Variants in FGF12 observed in about 807,000 individuals in gnomAD.
The protein encoded by FGF12 is fibroblast growth factor 12B.
Under a neutral mutation model 23.6 loss-of-function variants are expected in FGF12, and 14 were observed. That is an observed-to-expected ratio of 0.59 (90% confidence interval 0.39 to 0.93). The LOEUF (loss-of-function observed/expected upper bound fraction) is 0.93, where lower values mean the gene tolerates loss of function less well. FGF12 is among the 40% of genes least tolerant of loss of function. FGF12 has a pLI of 0.00. For missense variants in FGF12, 175 were observed against 217.8 expected (o/e 0.80, Z 1.24); for synonymous variants, 62 against 77.3 (o/e 0.80, Z 1.04).
Position 192,335,349 on chromosome 3 carries a change from C to G in FGF12, c.228+12G>C. Reference sequence around the variant, plus strand: ...CACACATACACACAAATACACACTACAATGTACTTACTGAACTGTAGAGAT... The same window carrying G: ...CACACATACACACAAATACACACTAGAATGTACTTACTGAACTGTAGAGAT... On this transcript the variant is annotated intron_variant, in intron 4 of 5. Coordinates refer to ENST00000445105, the MANE Select transcript of FGF12 (RefSeq NM_004113.6). 6.4e-7 allele frequency: 1 copy of G among 1,565,788 alleles called. No homozygotes were observed. The highest frequency in any genetic ancestry group is 8.8e-7 in the Non-Finnish European group (1 of 1,136,410).
At chr3:192,356,261 T>A (rs1718467329) in intron 3 of FGF12, among the ~76,000 whole-genome samples, 1 of 152,178 alleles carries the variant, frequency 6.6e-6, no homozygotes. Flanking sequence ...TCTGCTTCAG[T>A]ATCTCCAGTC....
At chr3:192,602,950 A>G (rs1201586399) in intron 2 of FGF12, among the ~76,000 whole-genome samples, 2 of 152,174 alleles carry the variant, frequency 1.3e-5, no homozygotes, top group East Asian at 3.8e-4. Flanking sequence ...GACCATCTCA[A>G]TAAACACAGG....
intron 4 of FGF12, among the ~76,000 whole-genome samples, chr3:192,231,035 A>G (rs1033307449): frequency 1.3e-5 from 2 of 152,198 alleles, no homozygotes; most frequent in Non-Finnish European, 2.9e-5. Context: ...GTCTCTAGAC[A>G]TTGCTAAATT....
intron 4 of FGF12, among the ~76,000 whole-genome samples, chr3:192,303,186 A>G (rs1715438159): frequency 6.6e-6 from 1 of 152,212 alleles, no homozygotes; most frequent in African/African-American, 2.4e-5. Context: ...TGTAAGGTGC[A>G]TGAATATGGT....
In FGF12 at chr3:192,408,468, G is replaced by A; in HGVS notation, c.14-47930C>T. 3 of 1,358,714 alleles carry A rather than the reference G, an allele frequency of 2.2e-6. No individual in the cohort carries two copies. The highest frequency in any genetic ancestry group is 9.4e-7 in the Non-Finnish European group (1 of 1,059,908). 84.2% of individuals were successfully genotyped at this position (1,358,714 alleles called of 1,614,324 possible). A position where few individuals can be genotyped will look rare whatever the true frequency, so the allele number is the denominator to read the frequency against. Reference sequence around the variant, plus strand: ...CCCAACCTCTGGCGGCCGGGGGGCGGGGCGGGGCGGTCCCAGGCCCTCTTG... The same window carrying A: ...CCCAACCTCTGGCGGCCGGGGGGCGAGGCGGGGCGGTCCCAGGCCCTCTTG... On this transcript the variant is annotated intron_variant, in intron 2 of 5. Transcript: ENST00000445105. The surrounding 1 kb of genome is among the most constrained non-coding windows in gnomAD (Gnocchi z 7.3).
chr3:192,465,609 G>T (rs1287737374), intron 2 of FGF12, among the ~76,000 whole-genome samples: 2 of 152,168 alleles, frequency 1.3e-5, no homozygotes, highest in Non-Finnish European at 2.9e-5. Context: ...GCTGTGCACA[G>T]ACTGTCTATA....
intron 2 of FGF12, among the ~76,000 whole-genome samples, chr3:192,431,659 A>G (rs768530020): frequency 2.6e-5 from 4 of 152,214 alleles, no homozygotes; most frequent in Non-Finnish European, 5.9e-5. Flanking sequence ...CAACTCAAGT[A>G]CCAAGCGTTT....
chr3:192,567,699 C>T (rs146960689), intron 2 of FGF12, among the ~76,000 whole-genome samples: 1 of 152,240 alleles, frequency 6.6e-6, no homozygotes, highest in East Asian at 1.9e-4. Flanking sequence ...TAACTCCAAT[C>T]TCTGCCTCCA....
At chr3:192,199,804 C>T (rs1717264985) in intron 4 of FGF12, among the ~76,000 whole-genome samples, 1 of 152,172 alleles carries the variant, frequency 6.6e-6, no homozygotes, top group Non-Finnish European at 1.5e-5. Flanking sequence ...GTGATTGTAT[C>T]ATACGCCACT....
rs1170436263 is a variant in FGF12, at chr3:192,416,175, G to A, written c.14-55637C>T. 2.0e-5 allele frequency among the ~76,000 whole-genome samples: 3 copies of A among 152,094 alleles called. No individual in the cohort carries two copies. The East Asian group carries it at 5.8e-4, about 29-fold the overall frequency. On this transcript the variant is annotated intron_variant, in intron 2 of 5. Coordinates refer to ENST00000445105, the MANE Select transcript of FGF12 (RefSeq NM_004113.6). ...AGATCTCACTGATCCTGCATTCACAGGTATCTGATGTTGAGTAAGATTTTA... is the reference window on the plus strand; with the variant it reads ...AGATCTCACTGATCCTGCATTCACAAGTATCTGATGTTGAGTAAGATTTTA...
intron 2 of FGF12, among the ~76,000 whole-genome samples, chr3:192,436,521 G>A (rs547815517): frequency 4.7e-4 from 71 of 152,304 alleles, no homozygotes; most frequent in Middle Eastern, 6.8e-3. Context: ...GAAAACCTCC[G>A]TTGTAAACGA....
At chr3:192,686,098 G>A (rs957269006) in intron 2 of FGF12, among the ~76,000 whole-genome samples, 1 of 152,178 alleles carries the variant, frequency 6.6e-6, no homozygotes, top group Non-Finnish European at 1.5e-5. Flanking sequence ...TGCTGATTTC[G>A]TATTCATATA....
At chr3:192,338,728 C>G (rs1357092710) in intron 3 of FGF12, among the ~76,000 whole-genome samples, 1 of 152,162 alleles carries the variant, frequency 6.6e-6, no homozygotes, top group African/African-American at 2.4e-5. Flanking sequence ...CTGGCTTTTA[C>G]GTGAGAAAAT....
At chr3:192,165,988 C>T (rs1323975480) in intron 5 of FGF12, among the ~76,000 whole-genome samples, 2 of 152,088 alleles carry the variant, frequency 1.3e-5, no homozygotes, top group Non-Finnish European at 2.9e-5. Flanking sequence ...ACATACGCAA[C>T]CTGGCTAGCA....
At chr3:192,233,845 A>C (rs554402515) in intron 4 of FGF12, among the ~76,000 whole-genome samples, 1 of 152,232 alleles carries the variant, frequency 6.6e-6, no homozygotes, top group African/African-American at 2.4e-5. Flanking sequence ...GTCAAAGATC[A>C]CATGGTTGTA....
chr3:192,142,027 G>A lies in FGF12; in HGVS notation c.*1982C>T, dbSNP rs1577166205. On this transcript the variant is annotated 3_prime_UTR_variant, in exon 6 of 6. Coordinates refer to ENST00000445105, the MANE Select transcript of FGF12 (RefSeq NM_004113.6). Reference sequence around the variant, plus strand: ...CAGCTAGAGTTATATTTTTGCCCCAGGGGTATTCTTTTCCTAGAAGAGCAA... The same window carrying A: ...CAGCTAGAGTTATATTTTTGCCCCAAGGGTATTCTTTTCCTAGAAGAGCAA... 1 of 152,106 alleles carries A rather than the reference G, an allele frequency of 6.6e-6. No individual in the cohort carries two copies. The highest frequency in any genetic ancestry group is 2.4e-5 in the African/African-American group (1 of 41,336). 9.4% of individuals were successfully genotyped at this position (152,106 alleles called of 1,614,324 possible).
Position 192,409,042 on chromosome 3 carries a change from G to C in FGF12, c.14-48504C>G, listed in dbSNP as rs2108776949. On this transcript the variant is annotated intron_variant, in intron 2 of 5. Coordinates refer to ENST00000445105, the MANE Select transcript of FGF12 (RefSeq NM_004113.6). This position sits in a 1 kb window ranked among gnomAD's most constrained non-coding sequence, Gnocchi z 4.8. The stretch of plus-strand genomic sequence containing the variant: ...CTGCGGTGAGAGCAACTCCCGGCCA[G>C]CAGCACTGCAAAGAGAGCGGGAGGC... 1 of 981,914 alleles carries C rather than the reference G, an allele frequency of 1.0e-6. No individual in the cohort carries two copies. Among genetic ancestry groups the C allele is most frequent in the South Asian group, 4.7e-5 (1 of 21,110 alleles). The allele number at this position is 981,914 out of a possible 1,614,324, so 60.8% of individuals were successfully genotyped here. A position where few individuals can be genotyped will look rare whatever the true frequency, so the allele number is the denominator to read the frequency against.
rs77940993 is a variant in FGF12, at chr3:192,418,565, G to T, written c.14-58027C>A. ...GGACATTGATCTGGTTTGAATCTGT[G>T]TCCGTGCCCAAATCTCATGTTGAAT... is the stretch of plus-strand genomic sequence containing the variant. On this transcript the variant is annotated intron_variant, in intron 2 of 5. Transcript: ENST00000445105. Among the ~76,000 whole-genome samples the T allele has an allele frequency of 2.3e-4, 35 of 152,238 alleles. No homozygotes were observed. In the East Asian group the frequency reaches 4.3e-3, roughly 18 times the overall value.
intron 2 of FGF12, among the ~76,000 whole-genome samples, chr3:192,699,098 A>G (rs1051988314): frequency 1.3e-5 from 2 of 152,172 alleles, no homozygotes; most frequent in East Asian, 1.9e-4. Flanking sequence ...ATAAATCCTT[A>G]TAACCCATTT....
Sources: allele counts gnomAD v4.1 joint callset (sites outside exome capture counted in the v4.1 genomes callset), GRCh38; gene constraint gnomAD v4.1.1; non-coding constraint Gnocchi (gnomAD v3.1); transcripts MANE v1.5; gene names NCBI Gene and HGNC (gene_info 2026-07-23, HGNC 2026-07-21).